Variants in ZC3H3 observed in about 807,000 individuals in gnomAD.
ZC3H3 encodes zinc finger CCCH-type containing 3, also known as zinc finger CCCH domain-containing protein 3.
ZC3H3 carries 36 observed loss-of-function variants against 77.3 expected under a neutral mutation model. That is an observed-to-expected ratio of 0.47 (90% confidence interval 0.36 to 0.61). The LOEUF (loss-of-function observed/expected upper bound fraction) is 0.61. Among genes scored for constraint, ZC3H3 ranks in the 20% least tolerant of loss-of-function variants. The pLI, the probability that ZC3H3 is intolerant of heterozygous loss-of-function variation, is 0.00. For synonymous variants in ZC3H3, 626 were observed against 555.2 expected, an observed-to-expected ratio of 1.13 and a Z score of -1.79; for missense variants, 1,331 against 1,312.2, an observed-to-expected ratio of 1.01 and a Z score of -0.22.
chr8:143,438,157 T>G, intron 11 of ZC3H3, 70 bp from the exon 12 acceptor site: 1 of 1,557,544 alleles, frequency 6.4e-7, no homozygotes, highest in Non-Finnish European at 8.7e-7. Flanking sequence ...GCAAAGCTCC[T>G]GATCGGGCTC....
intron 3 of ZC3H3, among the ~76,000 whole-genome samples, chr8:143,513,019 C>G (rs12545647): frequency 6.8e-6 from 1 of 146,188 alleles, no homozygotes. Context: ...CTGCAAGAGG[C>G]GGGGACAGCC....
intron 4 of ZC3H3, among the ~76,000 whole-genome samples, chr8:143,501,879 T>C (rs1023674493): frequency 7.6e-4 from 116 of 152,368 alleles, no homozygotes; most frequent in African/African-American, 2.8e-3. Context: ...GCGAGAACCC[T>C]GCTGTGGACT....
chr8:143,541,247 C>T (rs914291897), intron 1 of ZC3H3, 129 bp downstream of exon 1: 11 of 1,514,904 alleles, frequency 7.3e-6, no homozygotes, highest in Admixed American at 6.2e-5. Flanking sequence ...CGGACCCTAC[C>T]GTCCCCCACC....
chr8:143,462,873 C>G lies in ZC3H3; in HGVS notation c.2307+2844G>C, dbSNP rs2129856692. On this transcript the variant is annotated intron_variant, in intron 9 of 11. Coordinates refer to ENST00000262577, the MANE Select transcript of ZC3H3 (RefSeq NM_015117.3). This position sits in a 1 kb window ranked among gnomAD's most constrained non-coding sequence, Gnocchi z 4.7. Reference sequence around the variant, plus strand: ...CAGCCAACACCCTAGCTGCAACAAGCACACGCAGCGCCCAGACCCTGAGTC... The same window carrying G: ...CAGCCAACACCCTAGCTGCAACAAGGACACGCAGCGCCCAGACCCTGAGTC... 6.6e-6 allele frequency among the ~76,000 whole-genome samples: 1 copy of G among 152,336 alleles called. No individual in the cohort carries two copies. Among genetic ancestry groups the G allele is most frequent in the African/African-American group, 2.4e-5 (1 of 41,580 alleles).
intron 4 of ZC3H3, among the ~76,000 whole-genome samples, chr8:143,489,636 G>A (rs909206166): frequency 2.0e-5 from 3 of 152,238 alleles, no homozygotes; most frequent in South Asian, 2.1e-4. Flanking sequence ...ATTTATGCCC[G>A]CCCGCCTATG....
At chr8:143,458,938 T>C (rs569340974) in intron 9 of ZC3H3, among the ~76,000 whole-genome samples, 3 of 151,118 alleles carry the variant, frequency 2.0e-5, no homozygotes, top group South Asian at 2.1e-4. Flanking sequence ...CTGGGCAATA[T>C]AGCGAGACCT....
intron 3 of ZC3H3, among the ~76,000 whole-genome samples, chr8:143,513,664 T>A (rs1298505391): frequency 6.6e-6 from 1 of 152,214 alleles, no homozygotes; most frequent in Non-Finnish European, 1.5e-5. Flanking sequence ...CAGCGCCTGC[T>A]ACTGCAGCCA....
chr8:143,438,547 G>A (rs1254887190), intron 11 of ZC3H3, among the ~76,000 whole-genome samples: 1 of 152,180 alleles, frequency 6.6e-6, no homozygotes, highest in Non-Finnish European at 1.5e-5. Context: ...CTGTGGCGGG[G>A]AGGGGCAGGA....
intron 4 of ZC3H3, among the ~76,000 whole-genome samples, chr8:143,478,519 G>A (rs1820810258): frequency 6.6e-6 from 1 of 152,060 alleles, no homozygotes; most frequent in Non-Finnish European, 1.5e-5. Context: ...TTATTTTTTT[G>A]TTTTTTTGAG....
intron 5 of ZC3H3, among the ~76,000 whole-genome samples, chr8:143,470,132 C>A (rs428758): frequency 1 from 151,634 of 152,272 alleles, 75,499 homozygotes; most frequent in East Asian, 1. Flanking sequence ...GGAGCCCCCC[C>A]CACTCCTCGC....
chr8:143,480,041 G>T (rs1301192410), intron 4 of ZC3H3, among the ~76,000 whole-genome samples: 1 of 152,180 alleles, frequency 6.6e-6, no homozygotes, highest in Non-Finnish European at 1.5e-5. Flanking sequence ...GCCTCAGCCT[G>T]GGCCCCTCGG....
At chr8:143,445,601 G>C (rs971002618) in intron 9 of ZC3H3, among the ~76,000 whole-genome samples, 1 of 151,488 alleles carries the variant, frequency 6.6e-6, no homozygotes, top group Non-Finnish European at 1.5e-5. Context: ...GCTGAGGCAG[G>C]AGGATTACGT....
Position 143,499,621 on chromosome 8 carries a change from G to A in ZC3H3, c.1715+8125C>T, listed in dbSNP as rs555603218. On this transcript the variant is annotated intron_variant, in intron 4 of 11. Transcript: ENST00000262577. ...CAGCATTTTCACAGCATTCAGGGCC[G>A]CCCTTGAATGCCCTCTCCAGCATTC... Among the ~76,000 whole-genome samples the A allele has an allele frequency of 3.3e-5, 5 of 151,950 alleles. No homozygotes were observed. The East Asian group carries it at 7.7e-4, about 23-fold the overall frequency.
Position 143,538,574 on chromosome 8 carries a change from C to T in ZC3H3, c.793G>A (p.Val265Ile). The T allele has an allele frequency of 6.2e-7, 1 of 1,610,986 alleles. No homozygotes were observed. The highest frequency in any genetic ancestry group is 8.5e-7 in the Non-Finnish European group (1 of 1,180,006). ...CAPQLLGDRRVDAGHTDQPVP... is the reference protein window; with the variant it reads ...CAPQLLGDRRIDAGHTDQPVP... Reference sequence around the variant, plus strand: ...GGCTGATCTGTGTGGCCAGCATCTACTCTCCTGTCCCCAAGGAGCTGTGGA... The same window carrying T: ...GGCTGATCTGTGTGGCCAGCATCTATTCTCCTGTCCCCAAGGAGCTGTGGA... The change falls in exon 2 of 12, where the codon GTA becomes ATA. Residue 265 changes from valine to isoleucine, a missense_variant. Transcript: ENST00000262577.
intron 3 of ZC3H3, among the ~76,000 whole-genome samples, chr8:143,529,170 G>A (rs1822517775): frequency 6.6e-6 from 1 of 152,234 alleles, no homozygotes; most frequent in African/African-American, 2.4e-5. Flanking sequence ...TCGAGGTGGG[G>A]CAGGGCCAGT....
At chr8:143,523,631 T>C in intron 3 of ZC3H3, 2 of 785,014 alleles carry the variant, frequency 2.5e-6, no homozygotes, top group Non-Finnish European at 3.1e-6. Flanking sequence ...CTCATCCAGC[T>C]TGGGCAGGCA....
rs778360920 is a variant in ZC3H3, at chr8:143,541,403, A to G, written c.19T>C (p.Leu7=). 7.4e-6 allele frequency: 12 copies of G among 1,611,950 alleles called. No homozygotes were observed. The highest frequency in any genetic ancestry group is 3.3e-5 in the Admixed American group (2 of 60,004). Residue 7 remains leucine, a synonymous_variant, in exon 1 of 12, where the codon TTA becomes CTA. Transcript: ENST00000262577. The part of the protein sequence containing the change: MEEKEI[L]RRQIRLLQGL... ...TGCAGTAGGCGGATCTGCCGCCGTA[A>G]TATCTCCTTTTCCTCCATCTCCCGA... is the stretch of plus-strand genomic sequence containing the variant.
At chr8:143,501,833 C>G (rs1035065926) in intron 4 of ZC3H3, among the ~76,000 whole-genome samples, 10 of 152,266 alleles carry the variant, frequency 6.6e-5, no homozygotes, top group Admixed American at 3.3e-4. Context: ...CCACGGTCCT[C>G]TGACTGGCAC....
At chr8:143,504,685 G>T (rs1240943100) in intron 4 of ZC3H3, among the ~76,000 whole-genome samples, 1 of 152,148 alleles carries the variant, frequency 6.6e-6, no homozygotes, top group East Asian at 1.9e-4. Context: ...CCAGCACCTG[G>T]GACCTTCATG....
Sources: gnomAD v4.1 joint callset for allele counts (sites outside exome capture counted in the v4.1 genomes callset) on GRCh38, gnomAD v4.1.1 for gene constraint, Gnocchi (gnomAD v3.1) non-coding constraint, MANE v1.5 for transcripts, NCBI Gene and HGNC (gene_info 2026-07-23, HGNC 2026-07-21) for gene names.